PLCE1: variants seen among roughly 807,000 people sequenced by gnomAD.
The protein encoded by PLCE1 is 1-phosphatidylinositol 4,5-bisphosphate phosphodiesterase epsilon-1.
PLCE1 carries 119 observed loss-of-function variants against 242.8 expected under a neutral mutation model. That is an observed-to-expected ratio of 0.49 (90% confidence interval 0.42 to 0.57). The LOEUF (loss-of-function observed/expected upper bound fraction) is 0.57, where lower values mean the gene tolerates loss of function less well. Among genes scored for constraint, PLCE1 ranks in the 20% least tolerant of loss-of-function variants. PLCE1 has a pLI of 0.00. For missense variants in PLCE1, 2,441 were observed against 2,788.8 expected, an observed-to-expected ratio of 0.88 and a Z score of 2.81; for synonymous variants, 945 against 1,017.4, an observed-to-expected ratio of 0.93 and a Z score of 1.35.
At chr10:94,209,916 C>T (rs961118146) in intron 4 of PLCE1, among the ~76,000 whole-genome samples, 2 of 152,036 alleles carry the variant, frequency 1.3e-5, no homozygotes, top group African/African-American at 2.4e-5. Flanking sequence ...AGGTGTTGCT[C>T]GTAGGCCTGC....
intron 2 of PLCE1, among the ~76,000 whole-genome samples, chr10:94,116,025 A>G (rs899740905): frequency 6.6e-6 from 1 of 152,158 alleles, no homozygotes; most frequent in Non-Finnish European, 1.5e-5. Context: ...TGTTCTGATG[A>G]CAGACACTGG....
At chr10:94,300,415 G>A (rs537519759) in intron 24 of PLCE1, among the ~76,000 whole-genome samples, 1 of 152,358 alleles carries the variant, frequency 6.6e-6, no homozygotes, top group Admixed American at 6.5e-5. Flanking sequence ...TGGCTGTGCT[G>A]TGTGGTTCAT....
At position 94,178,664 on chromosome 10, in the gene PLCE1, CAGCCAGAATTCCTTATATACTTCAT is replaced by C. The variant is rs375616994; in HGVS notation, c.1809+7172_1809+7196del. Reference sequence around the variant, plus strand: ...GTCAAAGAAGAGCCGTTTGAGCTTTCAGCCAGAATTCCTTATATACTTCATAGCAATGATGATCGCTTTGGCAGAT... The same window carrying C: ...GTCAAAGAAGAGCCGTTTGAGCTTTCAGCAATGATGATCGCTTTGGCAGAT... On this transcript the variant is annotated intron_variant, in intron 4 of 32. Transcript: ENST00000371380. Among the ~76,000 whole-genome samples the C allele has an allele frequency of 6.6e-3, 1,011 of 152,308 alleles. 14 individuals are homozygous for C. Among genetic ancestry groups the C allele is most frequent in the African/African-American group, 0.023 (945 of 41,560 alleles).
intron 2 of PLCE1, among the ~76,000 whole-genome samples, chr10:94,050,707 A>T (rs969667358): frequency 2.4e-4 from 36 of 152,204 alleles, no homozygotes; most frequent in African/African-American, 8.4e-4. Flanking sequence ...ATAAAAATTT[A>T]AAAGAAAACA....
In PLCE1 at chr10:94,252,505, T is replaced by A; in HGVS notation, c.3279+7T>A. On this transcript the variant is annotated splice_region_variant and intron_variant, in intron 9 of 32. Coordinates refer to ENST00000371380, the MANE Select transcript of PLCE1 (RefSeq NM_016341.4). ...GAAGAAAATCCTCATGAGGGTAGAGTGTTATTTGTTTATTAAGCATTAAAC... is the reference window on the plus strand; with the variant it reads ...GAAGAAAATCCTCATGAGGGTAGAGAGTTATTTGTTTATTAAGCATTAAAC... 1 of 1,608,580 alleles carries A rather than the reference T, an allele frequency of 6.2e-7. No homozygotes were observed.
At position 94,221,054 on chromosome 10, in the gene PLCE1, A is replaced by C. The variant is rs139992574; in HGVS notation, c.1810-6252A>C. On this transcript the variant is annotated intron_variant, in intron 4 of 32. Coordinates refer to ENST00000371380, the MANE Select transcript of PLCE1 (RefSeq NM_016341.4). ...GCTGGTACTACAGAAATGACGCCTG[A>C]TCTGACTCAAGGCCCTGGGGTGCAG... Among the ~76,000 whole-genome samples the C allele has an allele frequency of 9.2e-4, 140 of 152,314 alleles. 1 individual carries two copies. Among genetic ancestry groups the C allele is most frequent in the African/African-American group, 3.2e-3 (133 of 41,580 alleles).
intron 3 of PLCE1, among the ~76,000 whole-genome samples, chr10:94,159,979 T>C (rs906379135): frequency 8.5e-5 from 13 of 152,232 alleles, no homozygotes; most frequent in Non-Finnish European, 1.8e-4. Flanking sequence ...TAGTATTCCA[T>C]GGTGTATATA....
At chr10:94,182,710 T>C (rs2048351912) in intron 4 of PLCE1, among the ~76,000 whole-genome samples, 1 of 152,228 alleles carries the variant, frequency 6.6e-6, no homozygotes, top group South Asian at 2.1e-4. Context: ...TTAGACTATT[T>C]TATTACTATA....
At chr10:94,212,512 T>A (rs1389914478) in intron 4 of PLCE1, among the ~76,000 whole-genome samples, 3 of 152,194 alleles carry the variant, frequency 2.0e-5, no homozygotes, top group Non-Finnish European at 4.4e-5. Context: ...CTCCTTGGCC[T>A]CCCAAAGTGC....
intron 2 of PLCE1, among the ~76,000 whole-genome samples, chr10:94,112,517 A>G (rs1362439635): frequency 6.6e-6 from 1 of 152,246 alleles, no homozygotes; most frequent in African/African-American, 2.4e-5. Flanking sequence ...CATGGCTGGA[A>G]TTCAACAAAT....
At position 94,051,286 on chromosome 10, in the gene PLCE1, C is replaced by CAAAA. The variant is rs869233995; in HGVS notation, c.1206+19057_1206+19060dup. Among the ~76,000 whole-genome samples the CAAAA allele has an allele frequency of 8.7e-3, 255 of 29,364 alleles. 48 individuals carry two copies. The highest frequency in any genetic ancestry group is 0.011 in the African/African-American group (119 of 10,934). The allele number at this position is 29,364 out of a possible 152,430, so 19.3% of individuals were successfully genotyped here. A position where few individuals can be genotyped will look rare whatever the true frequency, so the allele number is the denominator to read the frequency against. On this transcript the variant is annotated intron_variant, in intron 2 of 32. Coordinates refer to ENST00000371380, the MANE Select transcript of PLCE1 (RefSeq NM_016341.4). ...TGGGTGATAGAGCGAGACTCCAACT[C>CAAAA]AAAAAAAAAAAAAAAAAAAAAAAAA...
chr10:94,314,946 T>C (rs1462969379), intron 28 of PLCE1: 1 of 154,684 alleles, frequency 6.5e-6, no homozygotes, highest in African/African-American at 2.4e-5. Flanking sequence ...TCCATGTACT[T>C]TAGTGTCCAC....
intron 2 of PLCE1, among the ~76,000 whole-genome samples, chr10:94,095,381 G>A (rs2045268754): frequency 6.6e-6 from 1 of 151,980 alleles, no homozygotes; most frequent in Non-Finnish European, 1.5e-5. Flanking sequence ...TTTTGAGACA[G>A]GATCTCTCTC....
intron 2 of PLCE1, among the ~76,000 whole-genome samples, chr10:94,067,439 A>G (rs139426667): frequency 6.6e-6 from 1 of 152,172 alleles, no homozygotes; most frequent in Non-Finnish European, 1.5e-5. Context: ...TCATAATGCA[A>G]ATCTGATCAT....
At chr10:94,267,460 T>C (rs1217407159) in intron 16 of PLCE1, among the ~76,000 whole-genome samples, 1 of 152,206 alleles carries the variant, frequency 6.6e-6, no homozygotes, top group Non-Finnish European at 1.5e-5. Flanking sequence ...ACTTCATTTC[T>C]AACCCCTCTC....
intron 1 of PLCE1, among the ~76,000 whole-genome samples, chr10:93,997,593 A>G (rs2060849545): frequency 6.9e-6 from 1 of 145,934 alleles, no homozygotes; most frequent in African/African-American, 2.6e-5. Flanking sequence ...GCTATCCTAC[A>G]TTAACCTCTG....
intron 4 of PLCE1, among the ~76,000 whole-genome samples, chr10:94,210,487 T>TG (rs894916057): frequency 6.6e-6 from 1 of 152,196 alleles, no homozygotes; most frequent in Non-Finnish European, 1.5e-5. Context: ...AAGCAGGCTT[T>TG]AACTTGAGCT....
chr10:94,279,068 A>T (rs1459808491), intron 19 of PLCE1, among the ~76,000 whole-genome samples: 1 of 152,124 alleles, frequency 6.6e-6, no homozygotes, highest in African/African-American at 2.4e-5. Context: ...TACCCCGTTT[A>T]GATTGTTTCC....
In PLCE1 at chr10:94,230,844, A is replaced by C. The variant is rs928376618; in HGVS notation, c.1956-3210A>C. The stretch of plus-strand genomic sequence containing the variant: ...GGCTGGTCTGGAACTCCTGGCCTCA[A>C]GTGATCTCCCCTGCCTCAGCCTCCC... On this transcript the variant is annotated intron_variant, in intron 5 of 32. Coordinates refer to ENST00000371380, the MANE Select transcript of PLCE1 (RefSeq NM_016341.4). Among the ~76,000 whole-genome samples, 6 of 152,002 alleles carry C rather than the reference A, an allele frequency of 3.9e-5. No homozygotes were observed. In the South Asian group the frequency reaches 1.2e-3, roughly 32 times the overall value.
Sources: allele counts gnomAD v4.1 joint callset (sites outside exome capture counted in the v4.1 genomes callset), GRCh38; gene constraint gnomAD v4.1.1; transcripts MANE v1.5; gene names NCBI Gene and HGNC (gene_info 2026-07-23, HGNC 2026-07-21).